CLEC1A: variants seen among roughly 807,000 people sequenced by gnomAD.
CLEC1A encodes the protein C-type lectin domain family 1 member A.
Under a neutral mutation model 28.7 loss-of-function variants are expected in CLEC1A, and 34 were observed. The ratio of observed to expected loss-of-function variants is 1.18; its 90% CI spans 0.90 to 1.57. The LOEUF (loss-of-function observed/expected upper bound fraction) is 1.57. CLEC1A is among the 40% of genes most tolerant of loss of function. The probability of loss-of-function intolerance (pLI) is 0.00; values close to 1 mark genes in which losing one functional copy is unlikely to be tolerated. For missense variants in CLEC1A, 385 were observed against 339.5 expected (o/e 1.13, Z -1.05); for synonymous variants, 116 against 121.0 (o/e 0.96, Z 0.27).
intron 3 of CLEC1A, among the ~76,000 whole-genome samples, chr12:10,078,950 G>T (rs564286066): frequency 2.6e-4 from 40 of 152,280 alleles, no homozygotes; most frequent in African/African-American, 9.4e-4. Context: ...TCCCCCATGT[G>T]TGGAAGCTGC....
At chr12:10,078,007 A>G (rs1565600616) in intron 3 of CLEC1A, among the ~76,000 whole-genome samples, 2 of 152,060 alleles carry the variant, frequency 1.3e-5, no homozygotes. Flanking sequence ...TGAATCTTTC[A>G]TTTCTCACAC....
Position 10,081,390 on chromosome 12 carries a change from T to C in CLEC1A, c.238A>G (p.Asn80Asp). 6.2e-7 allele frequency: 1 copy of C among 1,607,978 alleles called. No homozygotes were observed. The highest frequency in any genetic ancestry group is 1.1e-5 in the South Asian group (1 of 90,154). ...TGAGAAATGGTGTCTTGACCAGTAT[T>C]GGAGAGCTGGTAGTACTGAAAAACT... ...LLFFQYYQLS[N>D]TGQDTISQME... The change falls in exon 3 of 6, where the codon AAT becomes GAT. Residue 80 changes from asparagine (N) to aspartate (D), a missense_variant. Transcript: ENST00000315330.
At chr12:10,075,318 A>G (rs1866226689) in intron 4 of CLEC1A, among the ~76,000 whole-genome samples, 186 bp downstream of exon 4, 1 of 152,204 alleles carries the variant, frequency 6.6e-6, no homozygotes, top group Non-Finnish European at 1.5e-5. Context: ...GTATTTGTGG[A>G]GAACACAACT....
intron 2 of CLEC1A, 71 bp downstream of exon 2, chr12:10,089,053 A>C (rs753127851): frequency 2.5e-6 from 3 of 1,191,646 alleles, no homozygotes; most frequent in Non-Finnish European, 3.7e-6. Flanking sequence ...AAACAAATCC[A>C]TAACAAGTGT....
intron 3 of CLEC1A, 40 bp from the exon 4 acceptor site, chr12:10,075,695 G>C (rs762910420): frequency 2.6e-5 from 42 of 1,587,670 alleles, no homozygotes; most frequent in Non-Finnish European, 3.5e-5. Flanking sequence ...TTCTGCATGA[G>C]TCTGTCTTGC....
At chr12:10,079,531 A>G (rs1002722642) in intron 3 of CLEC1A, among the ~76,000 whole-genome samples, 6 of 139,362 alleles carry the variant, frequency 4.3e-5, no homozygotes, top group African/African-American at 1.4e-4. Flanking sequence ...TTAAAAAAAA[A>G]TTTTTTTTAG....
At chr12:10,081,492 A>G in intron 2 of CLEC1A, 79 bp from the exon 3 acceptor site, 1 of 1,232,230 alleles carries the variant, frequency 8.1e-7, no homozygotes, top group Non-Finnish European at 1.1e-6. Flanking sequence ...GGAAGACAAA[A>G]CAGTATATTT....
chr12:10,081,239 C>G lies in CLEC1A; in HGVS notation c.389G>C (p.Gly130Ala), dbSNP rs771739392. Reference sequence around the variant, plus strand: ...CAGAGTGACCAGGACACACTTACCTCCAGCTTTGTTATACAGCTCACGACA... The same window carrying G: ...CAGAGTGACCAGGACACACTTACCTGCAGCTTTGTTATACAGCTCACGACA... ...KLCRELYNKA[G>A]AHRCSPCTEQ... The change falls in exon 3 of 6, where the codon GGA becomes GCA. Residue 130 changes from glycine to alanine, a missense_variant and splice_region_variant. By Grantham distance (60) the Gly-to-Ala change is moderately conservative (BLOSUM62 0). Transcript: ENST00000315330. 1.3e-6 allele frequency: 2 copies of G among 1,577,068 alleles called. No individual in the cohort carries two copies. Among genetic ancestry groups the G allele is most frequent in the Non-Finnish European group, 1.7e-6 (2 of 1,162,708 alleles).
At chr12:10,072,305 T>C (rs558084290) in intron 5 of CLEC1A, among the ~76,000 whole-genome samples, 4 of 152,284 alleles carry the variant, frequency 2.6e-5, no homozygotes, top group South Asian at 2.1e-4. Context: ...GCCTGCAGGA[T>C]TGTGAGCCAA....
intron 3 of CLEC1A, among the ~76,000 whole-genome samples, chr12:10,078,633 G>C (rs577582342): frequency 6.6e-6 from 1 of 152,240 alleles, no homozygotes; most frequent in Non-Finnish European, 1.5e-5. Flanking sequence ...GTATACCTGG[G>C]ACCTAGAGTT....
chr12:10,073,890 GAAGA>G (rs1866193084), intron 4 of CLEC1A, among the ~76,000 whole-genome samples: 1 of 152,146 alleles, frequency 6.6e-6, no homozygotes, highest in African/African-American at 2.4e-5. Flanking sequence ...ACTAGGAAGA[GAAGA>G]AAGAAATTTT....
In CLEC1A at chr12:10,070,057, G is replaced by C. The variant is rs539231451; in HGVS notation, c.*1276C>G. The stretch of plus-strand genomic sequence containing the variant: ...ATTTATCAGTAAACCAATAAACTTG[G>C]TGGCTGTGATGGTGTCATTCCCAAT... On this transcript the variant is annotated 3_prime_UTR_variant, in exon 6 of 6. Transcript: ENST00000315330. The C allele has an allele frequency of 6.6e-6, 1 of 152,284 alleles. No individual in the cohort carries two copies. Among genetic ancestry groups the C allele is most frequent in the Admixed American group, 6.5e-5 (1 of 15,304 alleles). The allele number at this position is 152,284 out of a possible 1,614,324, so 9.4% of individuals were successfully genotyped here.
intron 1 of CLEC1A, among the ~76,000 whole-genome samples, chr12:10,091,878 T>C (rs1161088436): frequency 1.3e-5 from 2 of 152,190 alleles, no homozygotes; most frequent in Non-Finnish European, 2.9e-5. Context: ...GTTATTTCAT[T>C]TAGCTTATAT....
intron 3 of CLEC1A, among the ~76,000 whole-genome samples, chr12:10,080,317 C>G (rs369444419): frequency 4.6e-5 from 7 of 151,928 alleles, no homozygotes; most frequent in Admixed American, 6.6e-5. Context: ...CATCTCCCCC[C>G]ACCCCCAAAA....
At chr12:10,081,553 C>G in intron 2 of CLEC1A, 140 bp from the exon 3 acceptor site, 1 of 395,578 alleles carries the variant, frequency 2.5e-6, no homozygotes, top group Non-Finnish European at 4.3e-6. Context: ...CAAGTTTGGA[C>G]TCTAGTACAT....
chr12:10,090,196 CA>C (rs1866584264), intron 1 of CLEC1A, among the ~76,000 whole-genome samples: 1 of 152,188 alleles, frequency 6.6e-6, no homozygotes, highest in Non-Finnish European at 1.5e-5. Context: ...CGTTCTGAAA[CA>C]GAAAGATTAA....
In CLEC1A at chr12:10,071,233, G is replaced by T; in HGVS notation, c.*100C>A. The T allele has an allele frequency of 8.8e-7, 1 of 1,131,456 alleles. No homozygotes were observed. The highest frequency in any genetic ancestry group is 1.3e-6 in the Non-Finnish European group (1 of 788,218). 70.1% of individuals were successfully genotyped at this position (1,131,456 alleles called of 1,614,324 possible). A position where few individuals can be genotyped will look rare whatever the true frequency, so the allele number is the denominator to read the frequency against. On this transcript the variant is annotated 3_prime_UTR_variant, in exon 6 of 6. Coordinates refer to ENST00000315330, the MANE Select transcript of CLEC1A (RefSeq NM_016511.4). ...GAACCCATTTTGTACTAGTCAGAGA[G>T]ATAGTCTTTCCTGATTATGTTCCAT...
At position 10,097,915 on chromosome 12, in the gene CLEC1A, T is replaced by TAAAAAAAAAAAAAAAAAAAAA. The variant is rs11453815; in HGVS notation, c.115+892_115+893insTTTTTTTTTTTTTTTTTTTTT. On this transcript the variant is annotated intron_variant, in intron 1 of 5. Coordinates refer to ENST00000315330, the MANE Select transcript of CLEC1A (RefSeq NM_016511.4). ...TTAACAGCTTACTGGGTAGTTTAGT[T>TAAAAAAAAAAAAAAAAAAAAA]AAAAAAAAAAAAAGCCATATTAGTA... 2.5e-5 allele frequency among the ~76,000 whole-genome samples: 3 copies of TAAAAAAAAAAAAAAAAAAAAA among 117,878 alleles called. 1 individual carries two copies. The highest frequency in any genetic ancestry group is 3.5e-5 in the Non-Finnish European group (2 of 57,684). 77.3% of individuals were successfully genotyped at this position (117,878 alleles called of 152,430 possible). A position where few individuals can be genotyped will look rare whatever the true frequency, so the allele number is the denominator to read the frequency against.
At chr12:10,075,158 G>A (rs951987517) in intron 4 of CLEC1A, among the ~76,000 whole-genome samples, 1 of 152,190 alleles carries the variant, frequency 6.6e-6, no homozygotes, top group African/African-American at 2.4e-5. Flanking sequence ...TAGAATGGAA[G>A]AGCAGGCAGC....
Sources: gnomAD v4.1 joint callset for allele counts (sites outside exome capture counted in the v4.1 genomes callset) on GRCh38, gnomAD v4.1.1 for gene constraint, MANE v1.5 for transcripts, NCBI Gene and HGNC (gene_info 2026-07-23, HGNC 2026-07-21) for gene names.